The following MID1 variants were observed in gnomAD, a reference collection of about 807,000 sequenced individuals.
The protein encoded by MID1 is midline 1.
A neutral mutation model predicts 40.4 loss-of-function variants in MID1; 7 were observed. The ratio of observed to expected loss-of-function variants is 0.17; its 90% CI spans 0.10 to 0.33. The LOEUF (loss-of-function observed/expected upper bound fraction) is 0.33, where lower values mean the gene tolerates loss of function less well. Among genes scored for constraint, MID1 ranks in the 10% least tolerant of loss-of-function variants. The pLI, the probability that MID1 is intolerant of heterozygous loss-of-function variation, is 1.00. For missense variants in MID1, 367 were observed against 558.5 expected, an observed-to-expected ratio of 0.66 and a Z score of 3.46; for synonymous variants, 229 against 221.2, an observed-to-expected ratio of 1.04 and a Z score of -0.31.
chrX:10,721,719 TAA>T lies in MID1; in HGVS notation c.-186-101302_-186-101301del, dbSNP rs55797465. On this transcript the variant is annotated intron_variant, in intron 1 of 10. Transcript: ENST00000380785. ...TTCTCGGGCAAAAGGGATTTAAATC[TAA>T]AAAAAAAAAAAAAACTTTCTGAAAA... Among the ~76,000 whole-genome samples, 456 of 92,277 alleles carry T rather than the reference TAA, an allele frequency of 4.9e-3. 1 individual carries two copies. The highest frequency in any genetic ancestry group is 6.6e-3 in the Admixed American group (55 of 8,318). 80.1% of individuals were successfully genotyped at this position (92,277 alleles called of 115,157 possible). A position where few individuals can be genotyped will look rare whatever the true frequency, so the allele number is the denominator to read the frequency against.
chrX:10,756,564 T>G (rs2043634067), intron 1 of MID1, among the ~76,000 whole-genome samples: 1 of 111,997 alleles, frequency 8.9e-6, no homozygotes, highest in African/African-American at 3.2e-5. Flanking sequence ...ATTCCTACCA[T>G]GTGAAGTCAC....
At chrX:10,742,633 C>T (rs1248698491) in intron 1 of MID1, among the ~76,000 whole-genome samples, 1 of 112,424 alleles carries the variant, frequency 8.9e-6, no homozygotes, top group African/African-American at 3.2e-5. Context: ...TTTTTGATTT[C>T]TTCAAATACT....
chrX:10,508,469 T>A (rs990829266), intron 3 of MID1, among the ~76,000 whole-genome samples: 2 of 112,298 alleles, frequency 1.8e-5, no homozygotes, highest in African/African-American at 6.5e-5. Flanking sequence ...TACTTGAAAA[T>A]TTTTCAATTA....
chrX:10,498,579 A>G (rs1389487927), intron 3 of MID1, among the ~76,000 whole-genome samples: 4 of 112,259 alleles, frequency 3.6e-5, no homozygotes, highest in Non-Finnish European at 7.5e-5. Flanking sequence ...CCAGAAAAGA[A>G]ACCCATAATG....
intron 1 of MID1, among the ~76,000 whole-genome samples, chrX:10,812,235 A>G (rs947107357): frequency 6.3e-5 from 7 of 111,511 alleles, no homozygotes; most frequent in Admixed American, 9.6e-5. Context: ...GTGGGAATGC[A>G]TAAGTCTCAT....
At chrX:10,698,391 A>G (rs763066789) in intron 1 of MID1, among the ~76,000 whole-genome samples, 8 of 112,463 alleles carry the variant, frequency 7.1e-5, no homozygotes, top group South Asian at 7.3e-4. Flanking sequence ...TGTCTTATAT[A>G]CATAGTTATG....
At chrX:10,755,028 T>C (rs1235868181) in intron 1 of MID1, among the ~76,000 whole-genome samples, 1 of 111,502 alleles carries the variant, frequency 9.0e-6, no homozygotes, top group Non-Finnish European at 1.9e-5. Context: ...GCAGGAAAAG[T>C]TTGAAAAAGT....
chrX:10,743,161 C>T (rs1373740105), intron 1 of MID1, among the ~76,000 whole-genome samples: 1 of 112,432 alleles, frequency 8.9e-6, no homozygotes, highest in Non-Finnish European at 1.9e-5. Context: ...GAACATGATG[C>T]GTTACAGCGG....
chrX:10,476,373 C>T (rs938214695), intron 5 of MID1, among the ~76,000 whole-genome samples: 1 of 110,590 alleles, frequency 9.0e-6, no homozygotes, highest in Non-Finnish European at 1.9e-5. Flanking sequence ...CACTATGTTG[C>T]CCAGGTTGGT....
Position 10,670,346 on chromosome X carries a change from T to C in MID1, c.-186-49927A>G, listed in dbSNP as rs780218813. ...ATTTATTACCTAATGATTACCACAGTGCTTTTTAAAGCCCATAAGTAAATA... is the reference window on the plus strand; with the variant it reads ...ATTTATTACCTAATGATTACCACAGCGCTTTTTAAAGCCCATAAGTAAATA... On this transcript the variant is annotated intron_variant, in intron 1 of 10. Coordinates refer to the MID1 transcript ENST00000380785. Among the ~76,000 whole-genome samples the C allele has an allele frequency of 6.2e-5, 7 of 112,098 alleles. No individual in the cohort carries two copies. In the South Asian group the frequency reaches 2.6e-3, roughly 42 times the overall value.
intron 3 of MID1, 34 bp downstream of exon 3, chrX:10,523,058 G>T: frequency 9.9e-7 from 1 of 1,007,974 alleles, no homozygotes; most frequent in Non-Finnish European, 1.4e-6. Flanking sequence ...GTTTTCATAT[G>T]AAACATACCA....
At chrX:10,763,813 C>T (rs2043700035) in intron 1 of MID1, among the ~76,000 whole-genome samples, 2 of 111,873 alleles carry the variant, frequency 1.8e-5, no homozygotes, top group Admixed American at 1.9e-4. Context: ...TTCTCCACAT[C>T]CTCTCCAGCA....
intron 1 of MID1, among the ~76,000 whole-genome samples, chrX:10,716,064 C>A (rs2043300864): frequency 1.8e-5 from 2 of 111,239 alleles, no homozygotes; most frequent in Non-Finnish European, 3.8e-5. Flanking sequence ...TCATCAAAGA[C>A]CAAAGGTAGA....
chrX:10,566,508 T>C (rs111985872), intron 2 of MID1, among the ~76,000 whole-genome samples: 1 of 43,540 alleles, frequency 2.3e-5, no homozygotes, highest in South Asian at 1.1e-3. Context: ...TCTCTCTCTC[T>C]CTCCCTCTCT....
chrX:10,729,264 C>T (rs2043423390), intron 1 of MID1, among the ~76,000 whole-genome samples: 1 of 111,953 alleles, frequency 8.9e-6, no homozygotes, highest in Non-Finnish European at 1.9e-5. Flanking sequence ...CTATCACCTT[C>T]CTCTCTCTTT....
At chrX:10,551,250 G>C (rs968388242) in intron 2 of MID1, among the ~76,000 whole-genome samples, 2 of 112,028 alleles carry the variant, frequency 1.8e-5, no homozygotes, top group Middle Eastern at 4.6e-3. Context: ...TTCAGTCCTC[G>C]GGTGGTAGAA....
intron 6 of MID1, among the ~76,000 whole-genome samples, chrX:10,471,105 A>G (rs1267601269): frequency 8.9e-6 from 1 of 111,761 alleles, no homozygotes; most frequent in Non-Finnish European, 1.9e-5. Context: ...TCTGGTTTAG[A>G]GAATTGATCC....
chrX:10,491,491 C>T (rs1480934078), intron 4 of MID1, among the ~76,000 whole-genome samples: 1 of 110,876 alleles, frequency 9.0e-6, no homozygotes, highest in African/African-American at 3.3e-5. Context: ...TCAAGCAATC[C>T]TCCTGCCTCG....
chrX:10,516,626 G>A (rs916602493), intron 3 of MID1, among the ~76,000 whole-genome samples: 1 of 105,263 alleles, frequency 9.5e-6, no homozygotes, highest in Non-Finnish European at 1.9e-5. Flanking sequence ...GCGCACGCGT[G>A]TGTTTTAAGA....
Sources: allele counts gnomAD v4.1 joint callset (sites outside exome capture counted in the v4.1 genomes callset), GRCh38; gene constraint gnomAD v4.1.1; transcripts MANE v1.5; gene names NCBI Gene and HGNC (gene_info 2026-07-23, HGNC 2026-07-21).